KPNA4: variants seen among roughly 807,000 people sequenced by gnomAD.
The protein encoded by KPNA4 is karyopherin subunit alpha 4, also known as importin subunit alpha-3.
Under a neutral mutation model 71.3 loss-of-function variants are expected in KPNA4, and 13 were observed. The ratio of observed to expected loss-of-function variants is 0.18; its 90% CI spans 0.12 to 0.29. The LOEUF (loss-of-function observed/expected upper bound fraction) is 0.29. Among genes scored for constraint, KPNA4 ranks in the 10% least tolerant of loss-of-function variants. The probability of loss-of-function intolerance (pLI) is 1.00; values close to 1 mark genes in which losing one functional copy is unlikely to be tolerated. For missense variants in KPNA4, 334 were observed against 603.2 expected, an observed-to-expected ratio of 0.55 and a Z score of 4.67; for synonymous variants, 189 against 195.2, an observed-to-expected ratio of 0.97 and a Z score of 0.26.
At position 160,527,986 on chromosome 3, in the gene KPNA4, C is replaced by A; in HGVS notation, c.523G>T (p.Glu175Ter). ...LLHSPHQNVC[E>*]QAVWALGNII... ...TTTCCCAATGCCCACACTGCTTGCT[C>A]ACAGACATTCTGATGGGGTGAATGG... Residue 175 changes from glutamate (E) to a stop codon, truncating the protein, a stop_gained, in exon 8 of 17, where the codon GAG becomes TAG. Coordinates refer to ENST00000334256, the MANE Select transcript of KPNA4 (RefSeq NM_002268.5). LOFTEE classifies it high-confidence loss of function. 2 of 1,612,628 alleles carry A rather than the reference C, an allele frequency of 1.2e-6. No individual in the cohort carries two copies. Among genetic ancestry groups the A allele is most frequent in the South Asian group, 2.2e-5 (2 of 90,970 alleles).
intron 15 of KPNA4, among the ~76,000 whole-genome samples, chr3:160,506,345 T>C (rs983400853): frequency 3.3e-5 from 5 of 152,120 alleles, no homozygotes; most frequent in African/African-American, 9.7e-5. Flanking sequence ...ATGTTTCATA[T>C]TTTTAGTAGA....
At chr3:160,531,423 A>G in intron 6 of KPNA4, 39 bp downstream of exon 6, 1 of 1,062,638 alleles carries the variant, frequency 9.4e-7, no homozygotes, top group Non-Finnish European at 1.3e-6. Context: ...CAAAGGATAC[A>G]TTCTAAATTA....
In KPNA4 at chr3:160,521,907, G is replaced by A. The variant is rs918558955; in HGVS notation, c.775C>T (p.Leu259=). ...VLIHHTDVNI[L]VDTVWALSYL... is the part of the protein sequence containing the mutation. ...GAGAGGGCCCAGACTGTGTCTACCA[G>A]TATCTAATGAATAAAATAAAAATTC... Residue 259 remains leucine, a synonymous_variant, in exon 11 of 17, where the codon CTG becomes TTG. Coordinates refer to ENST00000334256, the MANE Select transcript of KPNA4 (RefSeq NM_002268.5). The A allele has an allele frequency of 3.1e-6, 5 of 1,597,220 alleles. No individual in the cohort carries two copies. Among genetic ancestry groups the A allele is most frequent in the Admixed American group, 3.6e-5 (2 of 55,222 alleles).
chr3:160,519,186 T>C (rs1329105132), intron 11 of KPNA4, among the ~76,000 whole-genome samples: 1 of 152,218 alleles, frequency 6.6e-6, no homozygotes, highest in African/African-American at 2.4e-5. Flanking sequence ...ATCCTAACAA[T>C]ATTAGACAAT....
chr3:160,563,584 G>C (rs529422937), intron 1 of KPNA4, among the ~76,000 whole-genome samples: 3 of 152,178 alleles, frequency 2.0e-5, no homozygotes, highest in South Asian at 2.1e-4. Context: ...AAGGGTTATA[G>C]GGATCTGTCA....
chr3:160,509,697 G>A (rs1721054086), intron 14 of KPNA4, 103 bp downstream of exon 14: 1 of 878,686 alleles, frequency 1.1e-6, no homozygotes, highest in Non-Finnish European at 1.9e-6. Context: ...CTCCCAGGGT[G>A]TTGCTATTAT....
intron 13 of KPNA4, among the ~76,000 whole-genome samples, chr3:160,512,071 C>G (rs1439146737): frequency 6.6e-6 from 1 of 152,110 alleles, no homozygotes; most frequent in Non-Finnish European, 1.5e-5. Flanking sequence ...CAATGCCTAT[C>G]ATTTATTTTG....
intron 1 of KPNA4, among the ~76,000 whole-genome samples, chr3:160,545,062 T>C (rs1336979904): frequency 6.6e-6 from 1 of 152,244 alleles, no homozygotes; most frequent in Non-Finnish European, 1.5e-5. Flanking sequence ...CAGTCCAATA[T>C]TCTTTACACT....
At chr3:160,537,917 T>C (rs7647873) in intron 1 of KPNA4, among the ~76,000 whole-genome samples, 79,479 of 151,508 alleles carry the variant, frequency 0.52, 21,330 homozygotes, top group Non-Finnish European at 0.55. Flanking sequence ...TAGATAACTG[T>C]GAAAGTCTCC....
At chr3:160,536,766 T>G in intron 2 of KPNA4, 30 bp downstream of exon 2, 1 of 1,414,140 alleles carries the variant, frequency 7.1e-7, no homozygotes, top group Non-Finnish European at 9.9e-7. Context: ...AGAATTATGC[T>G]TAGAAGTACC....
chr3:160,533,560 G>A (rs1721614258), intron 5 of KPNA4, among the ~76,000 whole-genome samples: 1 of 151,606 alleles, frequency 6.6e-6, no homozygotes, highest in Non-Finnish European at 1.5e-5. Flanking sequence ...ACACTTCACT[G>A]AGGATATTTT....
At chr3:160,539,907 A>G (rs1182474048) in intron 1 of KPNA4, among the ~76,000 whole-genome samples, 1 of 152,044 alleles carries the variant, frequency 6.6e-6, no homozygotes. Context: ...TATTTACATA[A>G]ATGTTTTGTT....
intron 1 of KPNA4, among the ~76,000 whole-genome samples, chr3:160,560,981 C>CT (rs1722232244): frequency 6.6e-6 from 1 of 151,790 alleles, no homozygotes; most frequent in Admixed American, 6.6e-5. Context: ...ACTCTGTACA[C>CT]TTTAACAAAT....
intron 1 of KPNA4, among the ~76,000 whole-genome samples, chr3:160,557,601 A>G (rs1324102041): frequency 6.6e-6 from 1 of 152,252 alleles, no homozygotes; most frequent in Non-Finnish European, 1.5e-5. Flanking sequence ...ATAAAAATTT[A>G]GGGAAAAAAT....
At position 160,535,913 on chromosome 3, in the gene KPNA4, A is replaced by C; in HGVS notation, c.115-16T>G. Reference sequence around the variant, plus strand: ...CTCTTTTATTCTTAAAAAAAAAAAAAAAAAAAAAAAAACCAAACAGAGAAT... The same window carrying C: ...CTCTTTTATTCTTAAAAAAAAAAAACAAAAAAAAAAAACCAAACAGAGAAT... On this transcript the variant is annotated splice_polypyrimidine_tract_variant and intron_variant, in intron 2 of 16. Coordinates refer to ENST00000334256, the MANE Select transcript of KPNA4 (RefSeq NM_002268.5). The C allele has an allele frequency of 1.8e-6, 2 of 1,100,340 alleles. No homozygotes were observed. Among genetic ancestry groups the C allele is most frequent in the Non-Finnish European group, 2.4e-6 (2 of 846,272 alleles). The allele number at this position is 1,100,340 out of a possible 1,614,324, so 68.2% of individuals were successfully genotyped here.
chr3:160,530,174 TAA>T (rs1198208710), intron 7 of KPNA4, among the ~76,000 whole-genome samples: 1 of 144,360 alleles, frequency 6.9e-6, no homozygotes, highest in East Asian at 2.1e-4. Context: ...AAAATCTCAT[TAA>T]GAGAGGCTGA....
intron 1 of KPNA4, among the ~76,000 whole-genome samples, chr3:160,563,360 T>C (rs975778814): frequency 2.0e-5 from 3 of 152,326 alleles, no homozygotes; most frequent in Non-Finnish European, 2.9e-5. Flanking sequence ...CAAAAACTGG[T>C]TGCCTGGGGC....
intron 5 of KPNA4, among the ~76,000 whole-genome samples, chr3:160,533,151 G>A (rs1485909073): frequency 3.9e-5 from 6 of 152,026 alleles, no homozygotes; most frequent in Admixed American, 3.3e-4. Context: ...AGCCTCCCAA[G>A]TAGCTGGGAT....
chr3:160,509,180 G>GT (rs1323982141), intron 14 of KPNA4, among the ~76,000 whole-genome samples: 2 of 152,174 alleles, frequency 1.3e-5, no homozygotes, highest in Non-Finnish European at 2.9e-5. Flanking sequence ...CGACCTGAGA[G>GT]TGGGTGCCTC....
Sources: gnomAD v4.1 joint callset for allele counts (sites outside exome capture counted in the v4.1 genomes callset) on GRCh38, gnomAD v4.1.1 for gene constraint, MANE v1.5 for transcripts, NCBI Gene and HGNC (gene_info 2026-07-23, HGNC 2026-07-21) for gene names.